The following DYNC1H1 variants were observed in gnomAD, a reference collection of about 807,000 sequenced individuals.
The protein encoded by DYNC1H1 is cytoplasmic dynein 1 heavy chain 1.
A neutral mutation model predicts 527.1 loss-of-function variants in DYNC1H1; 51 were observed. The observed-to-expected ratio is 0.10, with a 90% CI of 0.08 to 0.12. The LOEUF is 0.12. Ranked by LOEUF, DYNC1H1 falls within the 10% of genes least tolerant of loss-of-function variation. The probability of loss-of-function intolerance (pLI) is 1.00; values close to 1 mark genes in which losing one functional copy is unlikely to be tolerated. For missense variants in DYNC1H1, 2,771 were observed against 5,971.8 expected (o/e 0.46, Z 17.66); for synonymous variants, 2,189 against 2,278.8 (o/e 0.96, Z 1.12).
At chr14:101,990,323 A>T (rs982740320) in intron 10 of DYNC1H1, among the ~76,000 whole-genome samples, 2 of 152,156 alleles carry the variant, frequency 1.3e-5, no homozygotes, top group Non-Finnish European at 2.9e-5. Flanking sequence ...CAAGGTCGTT[A>T]TATTGAGACA....
rs1331379836 is a variant in DYNC1H1 at position 101,983,723 on chromosome 14, G to GCC, written c.1461+115_1461+116insCC. The GCC allele has an allele frequency of 8.0e-7, 1 of 1,245,044 alleles. No individual in the cohort carries two copies. 77.1% of individuals were successfully genotyped at this position (1,245,044 alleles called of 1,614,324 possible). ...ATGAAGTTTCACTCTTGTTGCCCAGGCTGGAGTGCAATGGCATGATCTTGG... is the reference window on the plus strand; with the variant it reads ...ATGAAGTTTCACTCTTGTTGCCCAGGCCCTGGAGTGCAATGGCATGATCTTGG... On this transcript the variant is annotated intron_variant, in intron 7 of 77. Transcript: ENST00000360184. The surrounding 1 kb of genome is among the most constrained non-coding windows in gnomAD (Gnocchi z 5.3).
Position 102,005,853 on chromosome 14 carries a change from G to A in DYNC1H1, c.5434-35G>A, listed in dbSNP as rs753243970. 87 of 1,613,628 alleles carry A rather than the reference G, an allele frequency of 5.4e-5. No homozygotes were observed. Among genetic ancestry groups the A allele is most frequent in the Non-Finnish European group, 7.1e-5 (84 of 1,179,788 alleles). On this transcript the variant is annotated intron_variant, in intron 26 of 77. Transcript: ENST00000360184. The surrounding 1 kb of genome is among the most constrained non-coding windows in gnomAD (Gnocchi z 4.0). ...GGAGAATGCACTGTATTGCTTTAGTGTAGATGAACTTTTAAAGTGACTCTC... is the reference window on the plus strand; with the variant it reads ...GGAGAATGCACTGTATTGCTTTAGTATAGATGAACTTTTAAAGTGACTCTC...
In DYNC1H1 at chr14:102,027,707, C is replaced by T. The variant is rs1318987217; in HGVS notation, c.9137C>T (p.Ser3046Leu). ...CAGAAGGAAGGCCTGATGCTGGACT[C>T]GCACGAGGAGCTCTACAAGTGGTTC... ...GAQKEGLMLD[S>L]HEELYKWFTS... The change falls in exon 47 of 78, where the codon TCG (serine) becomes TTG (leucine). Residue 3046 changes from serine (S) to leucine (L), a missense_variant. Physicochemically the swap from Ser to Leu is moderately radical, Grantham distance 145. Around this residue, in one of 32 missense-constraint regions of DYNC1H1, gnomAD observed 84 missense variants for 285.4 expected, o/e 0.29. Transcript: ENST00000360184. The surrounding 1 kb of genome is among the most constrained non-coding windows in gnomAD (Gnocchi z 7.7). 6.2e-7 allele frequency: 1 copy of T among 1,614,150 alleles called. No individual in the cohort carries two copies. Among genetic ancestry groups the T allele is most frequent in the Admixed American group, 1.7e-5 (1 of 60,022 alleles).
At position 102,020,760 on chromosome 14, in the gene DYNC1H1, C is replaced by T. The variant is rs17512544; in HGVS notation, c.8507+704C>T. On this transcript the variant is annotated intron_variant, in intron 42 of 77. Coordinates refer to ENST00000360184, the MANE Select transcript of DYNC1H1 (RefSeq NM_001376.5). This position sits in a 1 kb window ranked among gnomAD's most constrained non-coding sequence, Gnocchi z 4.3. Reference sequence around the variant, plus strand: ...AAGATGACTTGGCAGATGGTTCCCTCCAGACTAAGAAATGCTTAAGTGTTT... The same window carrying T: ...AAGATGACTTGGCAGATGGTTCCCTTCAGACTAAGAAATGCTTAAGTGTTT... 0.014 allele frequency among the ~76,000 whole-genome samples: 2,129 copies of T among 152,314 alleles called. 17 individuals are homozygous for T. The highest frequency in any genetic ancestry group is 0.023 in the Non-Finnish European group (1,555 of 68,030).
Position 102,005,756 on chromosome 14 carries a change from T to C in DYNC1H1, c.5434-132T>C, listed in dbSNP as rs1468888682. ...CTCATCTCTGAAAGTGAATTTGCCT[T>C]TTGGAACATTTACTGAAAGCCATTG... On this transcript the variant is annotated intron_variant, in intron 26 of 77. Transcript: ENST00000360184. This position sits in a 1 kb window ranked among gnomAD's most constrained non-coding sequence, Gnocchi z 4.0. 3.5e-6 allele frequency: 4 copies of C among 1,150,280 alleles called. No individual in the cohort carries two copies. The highest frequency in any genetic ancestry group is 5.1e-6 in the Non-Finnish European group (4 of 779,154). 71.3% of individuals were successfully genotyped at this position (1,150,280 alleles called of 1,614,324 possible). A position where few individuals can be genotyped will look rare whatever the true frequency, so the allele number is the denominator to read the frequency against.
Position 102,029,118 on chromosome 14 carries a change from T to C in DYNC1H1, c.9469-421T>C. On this transcript the variant is annotated intron_variant, in intron 48 of 77. Transcript: ENST00000360184. The surrounding 1 kb of genome is among the most constrained non-coding windows in gnomAD (Gnocchi z 5.3). The stretch of plus-strand genomic sequence containing the variant: ...CCTTGGAATGTCGTCCAGCCCTGGC[T>C]TCCCCTGGTAGTCTGATCATCTTGC... 3.8e-6 allele frequency: 1 copy of C among 261,202 alleles called. No homozygotes were observed. Among genetic ancestry groups the C allele is most frequent in the Non-Finnish European group, 7.5e-6 (1 of 133,778 alleles). The allele number at this position is 261,202 out of a possible 1,614,324, so 16.2% of individuals were successfully genotyped here. A position where few individuals can be genotyped will look rare whatever the true frequency, so the allele number is the denominator to read the frequency against.
Position 102,047,635 on chromosome 14 carries a change from G to GTATATATA in DYNC1H1, c.13007-181_13007-180insATATATAT, listed in dbSNP as rs1434959122. 98 of 400,748 alleles carry GTATATATA rather than the reference G, an allele frequency of 2.4e-4. No individual in the cohort carries two copies. The Middle Eastern group carries it at 3.7e-3, about 15-fold the overall frequency. 24.8% of individuals were successfully genotyped at this position (400,748 alleles called of 1,614,324 possible). A position where few individuals can be genotyped will look rare whatever the true frequency, so the allele number is the denominator to read the frequency against. The stretch of plus-strand genomic sequence containing the variant: ...TATATATACACGTGTGTGTGTGTGT[G>GTATATATA]TGTGTGTATATATATATATATATAT... On this transcript the variant is annotated intron_variant, in intron 72 of 77. Coordinates refer to ENST00000360184, the MANE Select transcript of DYNC1H1 (RefSeq NM_001376.5).
intron 11 of DYNC1H1, among the ~76,000 whole-genome samples, chr14:101,992,861 T>C (rs2048013653): frequency 6.6e-6 from 1 of 152,192 alleles, no homozygotes; most frequent in South Asian, 2.1e-4. Flanking sequence ...GCTGGTCTCC[T>C]TTCTCGGTTC....
chr14:101,977,573 T>C (rs2047815887), intron 2 of DYNC1H1, among the ~76,000 whole-genome samples: 1 of 152,252 alleles, frequency 6.6e-6, no homozygotes, highest in Non-Finnish European at 1.5e-5. Flanking sequence ...CTAATTATAG[T>C]ACATGTTGAA....
chr14:101,987,795 C>T (rs576000747), intron 9 of DYNC1H1, among the ~76,000 whole-genome samples, 163 bp downstream of exon 9: 1 of 152,298 alleles, frequency 6.6e-6, no homozygotes, highest in African/African-American at 2.4e-5. Context: ...TGAATTGTGG[C>T]CAGGCACAGT....
At position 102,002,895 on chromosome 14, in the gene DYNC1H1, G is replaced by T; in HGVS notation, c.4813G>T (p.Ala1605Ser). The T allele has an allele frequency of 6.2e-7, 1 of 1,614,198 alleles. No individual in the cohort carries two copies. Among genetic ancestry groups the T allele is most frequent in the Non-Finnish European group, 8.5e-7 (1 of 1,180,024 alleles). ...QGVQRSLERL[A>S]DLLGKIQKAL... ...AGTACAGAGGTCTCTGGAAAGATTG[G>T]CAGACCTGCTAGGAAAGATCCAGAA... is the stretch of plus-strand genomic sequence containing the variant. The change falls in exon 23 of 78, where the codon GCA becomes TCA. Residue 1605 changes from alanine (A) to serine (S), a missense_variant. Ala to Ser is a moderately conservative substitution (Grantham distance 99). Around this residue, in one of 32 missense-constraint regions of DYNC1H1, gnomAD observed 51 missense variants for 189.2 expected, o/e 0.27. Coordinates refer to ENST00000360184, the MANE Select transcript of DYNC1H1 (RefSeq NM_001376.5). The surrounding 1 kb of genome is among the most constrained non-coding windows in gnomAD (Gnocchi z 4.4).
chr14:102,016,052 C>G lies in DYNC1H1; in HGVS notation c.7439C>G (p.Pro2480Arg). The G allele has an allele frequency of 6.2e-7, 1 of 1,612,944 alleles. No individual in the cohort carries two copies. The highest frequency in any genetic ancestry group is 8.5e-7 in the Non-Finnish European group (1 of 1,179,750). ...TATAACGCCAACCATCCCGACTTCC[C>G]CATGCAGATCGAGCAGCTGGAGCGC... ...AQYNANHPDF[P>R]MQIEQLERYI... The change falls in exon 36 of 78, where the codon CCC becomes CGC. Residue 2480 changes from proline to arginine, a missense_variant. Coordinates refer to ENST00000360184, the MANE Select transcript of DYNC1H1 (RefSeq NM_001376.5). This position sits in a 1 kb window ranked among gnomAD's most constrained non-coding sequence, Gnocchi z 7.3.
Position 102,039,285 on chromosome 14 carries a change from G to T in DYNC1H1, c.11460+31G>T, listed in dbSNP as rs766436788. ...TGCCTTGGCCATGCAGAGACTGGCG[G>T]GCCCCGCACAGTAGCTCCTTGGCCG... On this transcript the variant is annotated intron_variant, in intron 60 of 77. Transcript: ENST00000360184. This position sits in a 1 kb window ranked among gnomAD's most constrained non-coding sequence, Gnocchi z 7.0. 2.5e-6 allele frequency: 4 copies of T among 1,611,890 alleles called. No homozygotes were observed. The highest frequency in any genetic ancestry group is 2.5e-6 in the Non-Finnish European group (3 of 1,180,010).
In DYNC1H1 at chr14:102,049,283, C is replaced by T. The variant is rs1215414477; in HGVS notation, c.13373-157C>T. The T allele has an allele frequency of 1.2e-5, 12 of 1,028,152 alleles. No homozygotes were observed. Among genetic ancestry groups the T allele is most frequent in the South Asian group, 5.6e-5 (4 of 71,066 alleles). 63.7% of individuals were successfully genotyped at this position (1,028,152 alleles called of 1,614,324 possible). On this transcript the variant is annotated intron_variant, in intron 74 of 77. Coordinates refer to ENST00000360184, the MANE Select transcript of DYNC1H1 (RefSeq NM_001376.5). This position sits in a 1 kb window ranked among gnomAD's most constrained non-coding sequence, Gnocchi z 5.5. ...GCTAGAGCAGATGTGGTGAGGGCGG[C>T]GCCAGGGGCATAAAGTGCAGCCTGG...
rs768932305 is a variant in DYNC1H1 at position 101,986,618 on chromosome 14, G to A, written c.2393G>A (p.Arg798Gln). 3.7e-6 allele frequency: 6 copies of A among 1,613,002 alleles called. No homozygotes were observed. The highest frequency in any genetic ancestry group is 1.7e-5 in the Admixed American group (1 of 59,982). The part of the protein sequence containing the change: ...YERTCEKVEE[R>Q]NTISLLVAGL... ...CGGACCTGCGAGAAGGTGGAGGAGCGGAACACCATTTCCCTTTTGGTGGCT... is the reference window on the plus strand; with the variant it reads ...CGGACCTGCGAGAAGGTGGAGGAGCAGAACACCATTTCCCTTTTGGTGGCT... The change falls in exon 8 of 78, where the codon CGG becomes CAG. Residue 798 changes from arginine to glutamine, a missense_variant. Physicochemically the swap from Arg to Gln is conservative, Grantham distance 43. Around this residue, in one of 32 missense-constraint regions of DYNC1H1, gnomAD observed 264 missense variants for 619.4 expected, o/e 0.43. Transcript: ENST00000360184. This position sits in a 1 kb window ranked among gnomAD's most constrained non-coding sequence, Gnocchi z 8.7.
At chr14:101,975,860 C>A (rs1223919431) in intron 2 of DYNC1H1, 61 bp downstream of exon 2, 145 of 1,265,402 alleles carry the variant, frequency 1.1e-4, no homozygotes, top group Non-Finnish European at 1.6e-4. Context: ...TAATATGAAT[C>A]TTTTTTCTTT....
chr14:101,998,785 A>G (rs896566437), intron 16 of DYNC1H1, among the ~76,000 whole-genome samples: 1 of 151,994 alleles, frequency 6.6e-6, no homozygotes, highest in Non-Finnish European at 1.5e-5. Context: ...GAGGAGTTGA[A>G]TATTAATCAA....
chr14:102,001,550 A>C lies in DYNC1H1; in HGVS notation c.4411A>C (p.Asn1471His). Reference protein sequence around the residue: ...EFLKQIREVWNTYELDLVNYQ... With the variant: ...EFLKQIREVWHTYELDLVNYQ... ...TTGAATTCAGATAAGAGAAGTGTGG[A>C]ATACTTATGAACTAGACTTGGTTAA... Residue 1471 changes from asparagine (N) to histidine (H), a missense_variant, in exon 21 of 78, where the codon AAT becomes CAT. By Grantham distance (68) the Asn-to-His change is moderately conservative. Transcript: ENST00000360184. The surrounding 1 kb of genome is among the most constrained non-coding windows in gnomAD (Gnocchi z 5.0). 1 of 1,614,130 alleles carries C rather than the reference A, an allele frequency of 6.2e-7. No individual in the cohort carries two copies. The highest frequency in any genetic ancestry group is 8.5e-7 in the Non-Finnish European group (1 of 1,180,024).
Position 102,016,734 on chromosome 14 carries a change from A to C in DYNC1H1, c.7615-32A>C, listed in dbSNP as rs1328184616. On this transcript the variant is annotated intron_variant, in intron 37 of 77. Coordinates refer to ENST00000360184, the MANE Select transcript of DYNC1H1 (RefSeq NM_001376.5). The surrounding 1 kb of genome is among the most constrained non-coding windows in gnomAD (Gnocchi z 7.3). ...CCTCGTGAGGAGGCACCTTGGTTGC[A>C]GCCGGACTCACACTTCCATCTCCGT... 1 of 1,608,858 alleles carries C rather than the reference A, an allele frequency of 6.2e-7. No individual in the cohort carries two copies. The highest frequency in any genetic ancestry group is 2.2e-5 in the East Asian group (1 of 44,704).
Sources: gnomAD v4.1 joint callset for allele counts (sites outside exome capture counted in the v4.1 genomes callset) on GRCh38, gnomAD v4.1.1 for gene constraint, gnomAD v4.1.1 regional missense constraint, Gnocchi (gnomAD v3.1) non-coding constraint, MANE v1.5 for transcripts, NCBI Gene and HGNC (gene_info 2026-07-23, HGNC 2026-07-21) for gene names.